SLC22A9: variants seen among roughly 807,000 people sequenced by gnomAD.
SLC22A9 encodes solute carrier family 22 member 9, also known as organic anion transporter 7.
A neutral mutation model predicts 50.1 loss-of-function variants in SLC22A9; 64 were observed. The ratio of observed to expected loss-of-function variants is 1.28; its 90% CI spans 1.04 to 1.57. The LOEUF (loss-of-function observed/expected upper bound fraction) is 1.57. SLC22A9 is among the 40% of genes most tolerant of loss of function. SLC22A9 has a pLI of 0.00. For synonymous variants in SLC22A9, 261 were observed against 242.5 expected (o/e 1.08, Z -0.71); for missense variants, 757 against 676.1 (o/e 1.12, Z -1.33).
At chr11:63,403,927 T>C (rs58159522) in intron 6 of SLC22A9, among the ~76,000 whole-genome samples, 37,179 of 151,968 alleles carry the variant, frequency 0.24, 5,250 homozygotes, top group East Asian at 0.68. Flanking sequence ...AATGCTACAC[T>C]CACCATGAAG....
intron 6 of SLC22A9, among the ~76,000 whole-genome samples, chr11:63,391,787 T>C (rs1354503890): frequency 6.6e-6 from 1 of 152,034 alleles, no homozygotes; most frequent in Non-Finnish European, 1.5e-5. Context: ...TTGGACAGTT[T>C]AGTTCATTTA....
At chr11:63,406,736 A>G (rs959383887) in intron 7 of SLC22A9, 25 bp downstream of exon 7, 5 of 1,608,726 alleles carry the variant, frequency 3.1e-6, no homozygotes, top group Non-Finnish European at 4.2e-6. Context: ...CAGGTGGAAG[A>G]GAGAAATGCC....
intron 4 of SLC22A9, among the ~76,000 whole-genome samples, chr11:63,375,218 C>T (rs762272515): frequency 1.3e-5 from 2 of 152,078 alleles, no homozygotes; most frequent in Non-Finnish European, 2.9e-5. Context: ...GATGATATGA[C>T]CAGGAGTGAT....
chr11:63,405,222 G>C (rs1444287444), intron 6 of SLC22A9, among the ~76,000 whole-genome samples: 6 of 152,138 alleles, frequency 3.9e-5, no homozygotes, highest in Admixed American at 2.0e-4. Context: ...GTAAATGCCT[G>C]AATAGTTCAT....
At chr11:63,380,735 A>C (rs1205962445) in intron 5 of SLC22A9, among the ~76,000 whole-genome samples, 6 of 152,112 alleles carry the variant, frequency 3.9e-5, no homozygotes, top group Admixed American at 3.9e-4. Flanking sequence ...GTGAGGATCA[A>C]AAAAACTACT....
intron 6 of SLC22A9, among the ~76,000 whole-genome samples, chr11:63,402,708 G>C (rs1484493833): frequency 1.3e-5 from 2 of 151,492 alleles, no homozygotes; most frequent in African/African-American, 4.8e-5. Context: ...TGTTTTAAAA[G>C]ATCACATAAT....
chr11:63,396,364 C>G (rs368951713), intron 6 of SLC22A9, among the ~76,000 whole-genome samples: 37 of 152,314 alleles, frequency 2.4e-4, no homozygotes, highest in African/African-American at 7.7e-4. Flanking sequence ...CTCCCAGGGC[C>G]TTTCCTGCTG....
Position 63,370,052 on chromosome 11 carries a change from C to G in SLC22A9, c.-5C>G, listed in dbSNP as rs199775626. 1 of 1,606,684 alleles carries G rather than the reference C, an allele frequency of 6.2e-7. No individual in the cohort carries two copies. The highest frequency in any genetic ancestry group is 2.2e-5 in the East Asian group (1 of 44,876). On this transcript the variant is annotated 5_prime_UTR_variant, in exon 1 of 10. Coordinates refer to ENST00000279178, the MANE Select transcript of SLC22A9 (RefSeq NM_080866.3). ...CTCTACTTGAGGATCAACTGTTCAA[C>G]CTCAATGGCCTTTCAGGACCTCCTG...
intron 6 of SLC22A9, 23 bp from the exon 7 acceptor site, chr11:63,406,474 T>C (rs1320774915): frequency 1.3e-6 from 2 of 1,597,468 alleles, no homozygotes; most frequent in Non-Finnish European, 1.7e-6. Flanking sequence ...ATAATATGTT[T>C]CTTTCCTTTT....
chr11:63,409,023 G>A (rs1301660946), intron 9 of SLC22A9, 144 bp downstream of exon 9: 2 of 859,428 alleles, frequency 2.3e-6, no homozygotes, highest in Admixed American at 2.0e-5. Flanking sequence ...TTAGGTCTAG[G>A]TACAGCCACA....
chr11:63,374,475 C>A (rs896923631), intron 4 of SLC22A9, among the ~76,000 whole-genome samples: 40 of 152,142 alleles, frequency 2.6e-4, no homozygotes, highest in African/African-American at 9.4e-4. Flanking sequence ...TTGCATGAGA[C>A]ATGCTTATAC....
Position 63,375,696 on chromosome 11 carries a change from A to G in SLC22A9, c.882A>G (p.Glu294=). ...TCATTATCAACAATAAACCAGAGGA[A>G]GGCTTAAAGGAACTTAGAAAAGCTG... ...RWLIINNKPE[E]GLKELRKAAH... Residue 294 remains glutamate, a synonymous_variant, in exon 5 of 10, where the codon GAA becomes GAG. Coordinates refer to ENST00000279178, the MANE Select transcript of SLC22A9 (RefSeq NM_080866.3). 1.2e-6 allele frequency: 2 copies of G among 1,612,864 alleles called. No homozygotes were observed. The highest frequency in any genetic ancestry group is 1.7e-6 in the Non-Finnish European group (2 of 1,179,150).
At position 63,375,752 on chromosome 11, in the gene SLC22A9, A is replaced by G. The variant is rs1487828931; in HGVS notation, c.938A>G (p.Asp313Gly). The change falls in exon 5 of 10, where the codon GAC becomes GGC. Residue 313 changes from aspartate to glycine, a missense_variant. Coordinates refer to ENST00000279178, the MANE Select transcript of SLC22A9 (RefSeq NM_080866.3). ...AGGAGTGGAATGAAGAATGCCAGAGACACCCTAACCCTGGAGGTGAGCTGG... is the reference window on the plus strand; with the variant it reads ...AGGAGTGGAATGAAGAATGCCAGAGGCACCCTAACCCTGGAGGTGAGCTGG... ...AHRSGMKNARDTLTLEILKST... is the reference protein window; with the variant it reads ...AHRSGMKNARGTLTLEILKST... 4 of 1,612,334 alleles carry G rather than the reference A, an allele frequency of 2.5e-6. No homozygotes were observed. In the South Asian group the frequency reaches 4.4e-5, roughly 18 times the overall value.
chr11:63,395,292 GT>G lies in SLC22A9; in HGVS notation c.1074-11203del, dbSNP rs573607933. On this transcript the variant is annotated intron_variant, in intron 6 of 9. Coordinates refer to ENST00000279178, the MANE Select transcript of SLC22A9 (RefSeq NM_080866.3). ...TCCATTGCTGGTGAGCTAGTGTAATGTTGGGGGGTTGTTTAAGAGCCTTGTT... is the reference window on the plus strand; with the variant it reads ...TCCATTGCTGGTGAGCTAGTGTAATGTGGGGGGTTGTTTAAGAGCCTTGTT... Among the ~76,000 whole-genome samples the G allele has an allele frequency of 6.3e-4, 96 of 152,174 alleles. 1 individual carries two copies. The South Asian group carries it at 1.0e-2, about 16-fold the overall frequency.
intron 9 of SLC22A9, 73 bp downstream of exon 9, chr11:63,408,952 A>G: frequency 1.4e-6 from 2 of 1,471,876 alleles, no homozygotes; most frequent in Non-Finnish European, 1.9e-6. Context: ...GCAAAATACC[A>G]TTTAGGGCCA....
intron 6 of SLC22A9, among the ~76,000 whole-genome samples, chr11:63,403,270 G>A (rs546237018): frequency 6.6e-6 from 1 of 152,162 alleles, no homozygotes; most frequent in African/African-American, 2.4e-5. Context: ...AGACGATTGG[G>A]GGATGGCAGA....
chr11:63,382,731 G>C (rs893004553), intron 6 of SLC22A9, among the ~76,000 whole-genome samples: 1 of 152,010 alleles, frequency 6.6e-6, no homozygotes, highest in African/African-American at 2.4e-5. Context: ...AACATAAATA[G>C]GAAGTCCTAC....
chr11:63,398,435 A>G (rs1225719934), intron 6 of SLC22A9, among the ~76,000 whole-genome samples: 1 of 152,050 alleles, frequency 6.6e-6, no homozygotes, highest in East Asian at 1.9e-4. Context: ...CTGTCTTTTA[A>G]GTTTATTTAA....
At chr11:63,402,232 T>C (rs1037486255) in intron 6 of SLC22A9, among the ~76,000 whole-genome samples, 1 of 152,146 alleles carries the variant, frequency 6.6e-6, no homozygotes, top group Non-Finnish European at 1.5e-5. Flanking sequence ...TCTGTGTTTT[T>C]AACACTTTTA....
Sources: gnomAD v4.1 joint callset for allele counts (sites outside exome capture counted in the v4.1 genomes callset) on GRCh38, gnomAD v4.1.1 for gene constraint, MANE v1.5 for transcripts, NCBI Gene and HGNC (gene_info 2026-07-23, HGNC 2026-07-21) for gene names.